The following SMAP2 variants were observed in gnomAD, a reference collection of about 807,000 sequenced individuals.
SMAP2 encodes the protein small ArfGAP2.
In SMAP2, 25 loss-of-function variants were observed where a neutral mutation model predicts 56.4. The ratio of observed to expected loss-of-function variants is 0.44; its 90% CI spans 0.32 to 0.62. The LOEUF is 0.62. Among genes scored for constraint, SMAP2 ranks in the 20% least tolerant of loss-of-function variants. The pLI, the probability that SMAP2 is intolerant of heterozygous loss-of-function variation, is 0.04. For synonymous variants in SMAP2, 157 were observed against 181.7 expected (o/e 0.86, Z 1.09); for missense variants, 388 against 545.6 (o/e 0.71, Z 2.88).
At chr1:40,413,273 T>C (rs1305797673) in intron 5 of SMAP2, among the ~76,000 whole-genome samples, 171 bp downstream of exon 5, 1 of 152,184 alleles carries the variant, frequency 6.6e-6, no homozygotes, top group Non-Finnish European at 1.5e-5. Context: ...TCGTTACCAG[T>C]TGCTGCCTAA....
At chr1:40,358,251 A>T (rs1437991184) in intron 1 of SMAP2, among the ~76,000 whole-genome samples, 1 of 152,162 alleles carries the variant, frequency 6.6e-6, no homozygotes, top group African/African-American at 2.4e-5. Flanking sequence ...CAGAAATGCT[A>T]CTGATTTTTG....
intron 1 of SMAP2, among the ~76,000 whole-genome samples, chr1:40,403,917 A>G (rs1171839590): frequency 6.6e-6 from 1 of 152,078 alleles, no homozygotes; most frequent in Non-Finnish European, 1.5e-5. Context: ...TAAGCAACAT[A>G]GGGAGACCTT....
intron 1 of SMAP2, among the ~76,000 whole-genome samples, chr1:40,351,667 C>A (rs1308614923): frequency 6.6e-6 from 1 of 152,120 alleles, no homozygotes; most frequent in African/African-American, 2.4e-5. Context: ...CCAAGCCCGG[C>A]TAATTTTGTA....
chr1:40,394,155 G>C (rs1472615523), intron 1 of SMAP2, among the ~76,000 whole-genome samples: 1 of 152,120 alleles, frequency 6.6e-6, no homozygotes, highest in African/African-American at 2.4e-5. Context: ...TGGGAGGACA[G>C]TTCTAAGCTT....
At chr1:40,396,356 G>A (rs970822300) in intron 1 of SMAP2, among the ~76,000 whole-genome samples, 1 of 152,138 alleles carries the variant, frequency 6.6e-6, no homozygotes, top group Non-Finnish European at 1.5e-5. Flanking sequence ...CCTAGAAGGA[G>A]GGTGCATTCA....
At chr1:40,360,300 C>CCAGCCCAAAGGACAGTCTTGAAT in intron 1 of SMAP2, among the ~76,000 whole-genome samples, 1 of 146,958 alleles carries the variant, frequency 6.8e-6, no homozygotes. Flanking sequence ...GCCACCGTGC[C>CCAGCCCAAAGGACAGTCTTGAAT]TGAGCTTTTT....
At chr1:40,383,525 G>C (rs1368381663) in intron 1 of SMAP2, among the ~76,000 whole-genome samples, 1 of 152,202 alleles carries the variant, frequency 6.6e-6, no homozygotes, top group Non-Finnish European at 1.5e-5. Context: ...TTTTGGACAA[G>C]AGAACGGAAG....
intron 9 of SMAP2, among the ~76,000 whole-genome samples, chr1:40,419,276 CTTTCT>C (rs1645019142): frequency 8.3e-6 from 1 of 120,426 alleles, no homozygotes; most frequent in African/African-American, 3.4e-5. Flanking sequence ...AATTTTCTTC[CTTTCT>C]TTTTTTTTTT....
At chr1:40,395,489 C>T (rs1447959087) in intron 1 of SMAP2, among the ~76,000 whole-genome samples, 2 of 152,010 alleles carry the variant, frequency 1.3e-5, no homozygotes, top group African/African-American at 4.8e-5. Flanking sequence ...CAAAACCAGC[C>T]TGGGCAACAT....
At chr1:40,416,072 A>G in intron 7 of SMAP2, 104 bp from the exon 8 acceptor site, 1 of 1,093,442 alleles carries the variant, frequency 9.1e-7, no homozygotes, top group Non-Finnish European at 1.3e-6. Context: ...TTGAGCCATG[A>G]ATTCTTATTG....
intron 1 of SMAP2, among the ~76,000 whole-genome samples, chr1:40,359,791 A>C (rs1339252132): frequency 6.6e-6 from 1 of 152,146 alleles, no homozygotes; most frequent in Admixed American, 6.5e-5. Context: ...CAGACAAGCA[A>C]AGAAAAAAAC....
At chr1:40,380,133 G>C (rs964493494) in intron 1 of SMAP2, among the ~76,000 whole-genome samples, 1 of 152,084 alleles carries the variant, frequency 6.6e-6, no homozygotes, top group Non-Finnish European at 1.5e-5. Flanking sequence ...TTTTAATCTT[G>C]ATTTTATTAG....
intron 1 of SMAP2, among the ~76,000 whole-genome samples, chr1:40,353,729 TG>T (rs1644420012): frequency 2.6e-5 from 4 of 151,694 alleles, no homozygotes; most frequent in Non-Finnish European, 5.9e-5. Context: ...ACACCTAGAG[TG>T]GGCTGAGAAT....
At chr1:40,403,444 G>A (rs1168528940) in intron 1 of SMAP2, among the ~76,000 whole-genome samples, 1 of 152,192 alleles carries the variant, frequency 6.6e-6, no homozygotes, top group Non-Finnish European at 1.5e-5. Context: ...GACGGAGGTT[G>A]CAGTGAGCCA....
At chr1:40,352,347 C>A (rs1644412429) in intron 1 of SMAP2, among the ~76,000 whole-genome samples, 1 of 152,026 alleles carries the variant, frequency 6.6e-6, no homozygotes, top group African/African-American at 2.4e-5. Flanking sequence ...TGTAACCTCT[C>A]TAGCAGCTCA....
chr1:40,413,171 G>C, intron 5 of SMAP2, 69 bp downstream of exon 5: 1 of 1,249,284 alleles, frequency 8.0e-7, no homozygotes, highest in Non-Finnish European at 1.2e-6. Context: ...AGGGAAAGTA[G>C]GAGGTCTCGT....
chr1:40,399,733 G>GA lies in SMAP2; in HGVS notation c.104-6996dup, dbSNP rs571926905. Among the ~76,000 whole-genome samples the GA allele has an allele frequency of 6.2e-4, 93 of 149,796 alleles. 2 individuals are homozygous for GA. In the South Asian group the frequency reaches 0.019, roughly 30 times the overall value. On this transcript the variant is annotated intron_variant, in intron 1 of 9. Transcript: ENST00000372718. Reference sequence around the variant, plus strand: ...AAAAAAAGAAAAGAAAAGAAAGAGTGAAAAAAAGAGTAAAGGGTAAATGAA... The same window carrying GA: ...AAAAAAAGAAAAGAAAAGAAAGAGTGAAAAAAAAGAGTAAAGGGTAAATGAA...
intron 1 of SMAP2, among the ~76,000 whole-genome samples, chr1:40,383,842 C>T (rs1400964199): frequency 1.3e-5 from 2 of 152,118 alleles, no homozygotes; most frequent in African/African-American, 4.8e-5. Context: ...AGAAGCCATA[C>T]ACAGAAAATG....
rs1557819091 is a variant in SMAP2 at position 40,347,253 on chromosome 1, T to TTTG, written c.-83+2345_-83+2346insGTT. Among the ~76,000 whole-genome samples, 3 of 127,384 alleles carry TTTG rather than the reference T, an allele frequency of 2.4e-5. 1 individual carries two copies. Among genetic ancestry groups the TTTG allele is most frequent in the African/African-American group, 8.6e-5 (3 of 34,772 alleles). 83.6% of individuals were successfully genotyped at this position (127,384 alleles called of 152,430 possible). On this transcript the variant is annotated intron_variant, in intron 1 of 6. Coordinates refer to the SMAP2 transcript ENST00000435168. ...TTGTGTGTGTGTGTTTTGTTTTTGT[T>TTTG]TTTTTTTTTTTTTTTAAAGCAAAGA...
Sources: allele counts gnomAD v4.1 joint callset (sites outside exome capture counted in the v4.1 genomes callset), GRCh38; gene constraint gnomAD v4.1.1; transcripts MANE v1.5; gene names NCBI Gene and HGNC (gene_info 2026-07-23, HGNC 2026-07-21).